Variants in EEF1D observed in about 807,000 individuals in gnomAD.
EEF1D encodes eukaryotic translation elongation factor 1 delta, also known as elongation factor 1-delta.
Under a neutral mutation model 63.9 loss-of-function variants are expected in EEF1D, and 47 were observed. That is an observed-to-expected ratio of 0.74 (90% confidence interval 0.58 to 0.94). The LOEUF (loss-of-function observed/expected upper bound fraction) is 0.94, where lower values mean the gene tolerates loss of function less well. Among genes scored for constraint, EEF1D ranks in the 40% least tolerant of loss-of-function variants. EEF1D has a pLI of 0.00. For synonymous variants in EEF1D, 412 were observed against 386.1 expected (o/e 1.07, Z -0.79); for missense variants, 907 against 899.0 (o/e 1.01, Z -0.11).
rs766259807 is a variant in EEF1D, at chr8:143,586,889, A to C, written c.1092-37T>G. ...AAGAGGCAAAGTCAGCATGGCTGGGAAGTGGGCCTCGGCATCAGGACAGCC... is the reference window on the plus strand; with the variant it reads ...AAGAGGCAAAGTCAGCATGGCTGGGCAGTGGGCCTCGGCATCAGGACAGCC... On this transcript the variant is annotated intron_variant, in intron 3 of 9. Coordinates refer to ENST00000618139, the MANE Select transcript of EEF1D (RefSeq NM_001130053.5). 7 of 1,609,906 alleles carry C rather than the reference A, an allele frequency of 4.3e-6. No individual in the cohort carries two copies. In the Admixed American group the frequency reaches 1.2e-4, roughly 27 times the overall value.
chr8:143,585,980 C>T (rs577868265), intron 5 of EEF1D: 5 of 468,750 alleles, frequency 1.1e-5, no homozygotes, highest in East Asian at 3.2e-5. Context: ...CCCACAGGAG[C>T]GGCCAGTGTG....
In EEF1D at chr8:143,589,068, G is replaced by C. The variant is rs1827301699; in HGVS notation, c.1014C>G (p.Ala338=). ...ACAGGGAGGCAGCTTCGAGGCACCA[G>C]GCCACCCGCAGGGCCTCGGCAGCGT... The part of the protein sequence containing the change: ...RHHAAEALRV[A]WCLEAASLSH... Residue 338 remains alanine, a synonymous_variant, in exon 3 of 10, where the codon GCC becomes GCG. Transcript: ENST00000618139. 2 of 1,608,682 alleles carry C rather than the reference G, an allele frequency of 1.2e-6. No individual in the cohort carries two copies. The highest frequency in any genetic ancestry group is 1.7e-5 in the Admixed American group (1 of 59,810).
chr8:143,596,711 C>G (rs1318363489), intron 1 of EEF1D: 1 of 152,328 alleles, frequency 6.6e-6, no homozygotes, highest in Non-Finnish European at 1.5e-5. Context: ...GGTCCCCAAC[C>G]CACTCCGCCC....
intron 2 of EEF1D, 85 bp from the exon 3 acceptor site, chr8:143,590,166 GCCCGCCCTC>G: frequency 6.4e-7 from 1 of 1,569,022 alleles, no homozygotes; most frequent in Non-Finnish European, 8.6e-7. Context: ...CCCTCCCCGT[GCCCGCCCTC>G]CCCGTGGCTG....
rs781309011 is a variant in EEF1D at position 143,580,090 on chromosome 8, T to C, written c.1827A>G (p.Leu609=). The C allele has an allele frequency of 6.2e-7, 1 of 1,613,840 alleles. No individual in the cohort carries two copies. Among genetic ancestry groups the C allele is most frequent in the Non-Finnish European group, 8.5e-7 (1 of 1,180,026 alleles). Residue 609 remains leucine (L), a synonymous_variant, in exon 9 of 10, where the codon CTA becomes CTG. Transcript: ENST00000618139. The part of the protein sequence containing the change: ...LVPVGYGIRK[L]QIQCVVEDDK... ...CGTCCTCCACCACACACTGAATCTG[T>C]AGCTTCCGGATACCGTAGCCCACGG...
rs1366024837 is a variant in EEF1D, at chr8:143,581,157, G to A, written c.1388-3C>T. The A allele has an allele frequency of 4.3e-6, 7 of 1,612,420 alleles. 1 individual carries two copies. In the East Asian group the frequency reaches 1.1e-4, roughly 26 times the overall value. On this transcript the variant is annotated splice_region_variant and splice_polypyrimidine_tract_variant and intron_variant, in intron 6 of 9. Coordinates refer to ENST00000618139, the MANE Select transcript of EEF1D (RefSeq NM_001130053.5). Reference sequence around the variant, plus strand: ...GGCCTGCTGCAGCTCCTGTACCACTGGGGGGGCAAGGGGAGCACGGTTAGA... The same window carrying A: ...GGCCTGCTGCAGCTCCTGTACCACTAGGGGGGCAAGGGGAGCACGGTTAGA...
At position 143,589,973 on chromosome 8, in the gene EEF1D, C is replaced by A. The variant is rs144264495; in HGVS notation, c.109G>T (p.Ala37Ser). 2,997 of 1,598,892 alleles carry A rather than the reference C, an allele frequency of 1.9e-3. 4 individuals carry two copies. The highest frequency in any genetic ancestry group is 2.3e-3 in the Admixed American group (137 of 59,940). Residue 37 changes from alanine to serine, a missense_variant, in exon 3 of 10, where the codon GCC (alanine) becomes TCC (serine). Ala to Ser is a moderately conservative substitution (Grantham distance 99, BLOSUM62 1). Coordinates refer to ENST00000618139, the MANE Select transcript of EEF1D (RefSeq NM_001130053.5). Reference protein sequence around the residue: ...FYEHEATQAAASAQQLPAEGP... With the variant: ...FYEHEATQAASSAQQLPAEGP... ...TCGGCTGGCAGCTGCTGGGCGGAGGCGGCCGCCTGTGTGGCCTCGTGTTCG... is the reference window on the plus strand; with the variant it reads ...TCGGCTGGCAGCTGCTGGGCGGAGGAGGCCGCCTGTGTGGCCTCGTGTTCG...
chr8:143,587,050 T>C (rs1023904830), intron 3 of EEF1D, 198 bp from the exon 4 acceptor site: 2 of 634,236 alleles, frequency 3.2e-6, no homozygotes, highest in African/African-American at 3.7e-5. Context: ...GTTCTCAAAG[T>C]GTGGTCCGAG....
chr8:143,594,815 G>A (rs1195555524), intron 1 of EEF1D, among the ~76,000 whole-genome samples: 8 of 152,246 alleles, frequency 5.3e-5, no homozygotes, highest in Non-Finnish European at 1.0e-4. Flanking sequence ...CTTAAAAGAG[G>A]CTGGAGCCCC....
At position 143,589,973 on chromosome 8, in the gene EEF1D, C is replaced by G; in HGVS notation, c.109G>C (p.Ala37Pro). Residue 37 changes from alanine to proline, a missense_variant, in exon 3 of 10, where the codon GCC (alanine) becomes CCC (proline). Transcript: ENST00000618139. Reference protein sequence around the residue: ...FYEHEATQAAASAQQLPAEGP... With the variant: ...FYEHEATQAAPSAQQLPAEGP... ...TCGGCTGGCAGCTGCTGGGCGGAGG[C>G]GGCCGCCTGTGTGGCCTCGTGTTCG... The G allele has an allele frequency of 6.3e-7, 1 of 1,598,894 alleles. No individual in the cohort carries two copies. The highest frequency in any genetic ancestry group is 8.5e-7 in the Non-Finnish European group (1 of 1,179,434).
In EEF1D at chr8:143,580,346, C is replaced by T; in HGVS notation, c.1711-140G>A. ...GCCCACAGAAAACAATCCAAATTCA[C>T]ACCTTCCTGCCTCCAAGTTTGTGTT... On this transcript the variant is annotated intron_variant, in intron 8 of 9. Transcript: ENST00000618139. 6 of 1,237,094 alleles carry T rather than the reference C, an allele frequency of 4.9e-6. No individual in the cohort carries two copies. The South Asian group carries it at 7.3e-5, about 15-fold the overall frequency. The allele number at this position is 1,237,094 out of a possible 1,614,324, so 76.6% of individuals were successfully genotyped here. A position where few individuals can be genotyped will look rare whatever the true frequency, so the allele number is the denominator to read the frequency against.
intron 7 of EEF1D, 21 bp from the exon 8 acceptor site, chr8:143,580,748 G>A (rs752220803): frequency 1.9e-6 from 3 of 1,610,732 alleles, no homozygotes; most frequent in African/African-American, 1.3e-5. Context: ...GGAAGGGACA[G>A]GAGGCACGGC....
At chr8:143,579,988 C>T in intron 9 of EEF1D, 24 bp downstream of exon 9, 1 of 1,607,472 alleles carries the variant, frequency 6.2e-7, no homozygotes, top group Non-Finnish European at 8.5e-7. Flanking sequence ...CCTCTCCCCT[C>T]CTCTCCCCGG....
intron 1 of EEF1D, among the ~76,000 whole-genome samples, chr8:143,595,121 G>A (rs1828587769): frequency 6.6e-6 from 1 of 152,154 alleles, no homozygotes; most frequent in South Asian, 2.1e-4. Flanking sequence ...CCAGGCTGGA[G>A]TGCAGTGGTA....
chr8:143,589,305 C>T lies in EEF1D; in HGVS notation c.777G>A (p.Val259=). 1 of 1,587,762 alleles carries T rather than the reference C, an allele frequency of 6.3e-7. No homozygotes were observed. Among genetic ancestry groups the T allele is most frequent in the South Asian group, 1.1e-5 (1 of 88,124 alleles). ...CCAGGCCGGCTCGCTCTTGCAGGCG[C>T]ACCTTCCCTGGGGGATGGCCGTCAA... ...ALFDGHPPGK[V]RLQERAGLAE... is the part of the protein sequence containing the mutation. Residue 259 remains valine, a synonymous_variant, in exon 3 of 10, where the codon GTG becomes GTA. Coordinates refer to ENST00000618139, the MANE Select transcript of EEF1D (RefSeq NM_001130053.5).
At position 143,589,916 on chromosome 8, in the gene EEF1D, C is replaced by A. The variant is rs370379043; in HGVS notation, c.166G>T (p.Asp56Tyr). 6.3e-7 allele frequency: 1 copy of A among 1,598,756 alleles called. No homozygotes were observed. The highest frequency in any genetic ancestry group is 8.5e-7 in the Non-Finnish European group (1 of 1,177,132). The change falls in exon 3 of 10, where the codon GAC becomes TAC. Residue 56 changes from aspartate (D) to tyrosine (Y), a missense_variant. Physicochemically the swap from Asp to Tyr is radical, Grantham distance 160 (BLOSUM62 -3). Transcript: ENST00000618139. The part of the protein sequence containing the change: ...GPAMNGPGQD[D>Y]PEDADEAEAP... ...TCCGCCTCATCAGCGTCCTCAGGGT[C>A]GTCCTGGCCGGGCCCATTCATGGCT...
chr8:143,596,631 A>C, intron 1 of EEF1D: 1 of 152,254 alleles, frequency 6.6e-6, no homozygotes, highest in East Asian at 1.9e-4. Flanking sequence ...GACAACCCCA[A>C]GTTTAGCTAC....
intron 5 of EEF1D, 200 bp downstream of exon 5, chr8:143,586,019 G>A (rs1000194917): frequency 8.6e-5 from 43 of 500,004 alleles, no homozygotes; most frequent in African/African-American, 7.2e-4. Context: ...AGGTAAGCAC[G>A]GAAGGGACGC....
chr8:143,592,048 C>T, intron 2 of EEF1D: 1 of 985,406 alleles, frequency 1.0e-6, no homozygotes, highest in African/African-American at 1.7e-5. Flanking sequence ...GCTCCCTAGG[C>T]TCCCCTGCTC....
Sources: gnomAD v4.1 joint callset for allele counts (sites outside exome capture counted in the v4.1 genomes callset) on GRCh38, gnomAD v4.1.1 for gene constraint, MANE v1.5 for transcripts, NCBI Gene and HGNC (gene_info 2026-07-23, HGNC 2026-07-21) for gene names.